ADCK1: variants seen among roughly 807,000 people sequenced by gnomAD.
The protein encoded by ADCK1 is aarF domain containing kinase 1.
In ADCK1, 41 loss-of-function variants were observed where a neutral mutation model predicts 52.3. The observed-to-expected ratio is 0.78, with a 90% CI of 0.61 to 1.02. The LOEUF (loss-of-function observed/expected upper bound fraction) is 1.02, where lower values mean the gene tolerates loss of function less well. Among genes scored for constraint, ADCK1 ranks in the 50% least tolerant of loss-of-function variants. The pLI, the probability that ADCK1 is intolerant of heterozygous loss-of-function variation, is 0.00. For synonymous variants in ADCK1, 250 were observed against 274.6 expected (o/e 0.91, Z 0.89); for missense variants, 658 against 679.5 (o/e 0.97, Z 0.35).
At chr14:77,806,024 C>T (rs1018904602) in intron 1 of ADCK1, among the ~76,000 whole-genome samples, 11 of 106,690 alleles carry the variant, frequency 1.0e-4, no homozygotes, top group Non-Finnish European at 1.7e-4. Flanking sequence ...GTGATGAGGT[C>T]TTGTTGCTGG....
chr14:77,933,160 C>T (rs1208526972), intron 10 of ADCK1, 60 bp from the exon 11 acceptor site: 2 of 1,560,676 alleles, frequency 1.3e-6, no homozygotes, highest in Middle Eastern at 1.7e-4. Flanking sequence ...CTAAATGATA[C>T]AGAGCTAGTG....
intron 3 of ADCK1, among the ~76,000 whole-genome samples, chr14:77,840,746 G>A: frequency 6.6e-6 from 1 of 151,784 alleles, no homozygotes; most frequent in East Asian, 1.9e-4. Context: ...TACTTGGGAG[G>A]CTGAAGCACG....
At chr14:77,800,450 C>G (rs2081084621) in intron 1 of ADCK1, among the ~76,000 whole-genome samples, 1 of 152,270 alleles carries the variant, frequency 6.6e-6, no homozygotes, top group Non-Finnish European at 1.5e-5. Context: ...GTGACCTGTC[C>G]ACTTCAGTGG....
chr14:77,882,386 G>T (rs1305871271), intron 4 of ADCK1, among the ~76,000 whole-genome samples: 1 of 152,228 alleles, frequency 6.6e-6, no homozygotes, highest in Non-Finnish European at 1.5e-5. Flanking sequence ...CTAGGCCTGG[G>T]CTTGCCTGCT....
At chr14:77,851,027 A>G (rs573052405) in intron 3 of ADCK1, among the ~76,000 whole-genome samples, 1 of 152,084 alleles carries the variant, frequency 6.6e-6, no homozygotes, top group East Asian at 1.9e-4. Context: ...ACTTTTAATG[A>G]AGACAGCTAT....
chr14:77,864,367 T>G (rs948910491), intron 4 of ADCK1, among the ~76,000 whole-genome samples: 41 of 152,180 alleles, frequency 2.7e-4, no homozygotes, highest in African/African-American at 9.4e-4. Context: ...ATCCAACTTG[T>G]TGGTGGTAGA....
chr14:77,861,523 A>G (rs2082548256), intron 4 of ADCK1, among the ~76,000 whole-genome samples: 1 of 151,724 alleles, frequency 6.6e-6, no homozygotes, highest in African/African-American at 2.4e-5. Flanking sequence ...AGTGGGCCCC[A>G]CTCATCCTCA....
chr14:77,889,451 C>A (rs1422834809), intron 5 of ADCK1, among the ~76,000 whole-genome samples: 1 of 152,156 alleles, frequency 6.6e-6, no homozygotes, highest in Non-Finnish European at 1.5e-5. Flanking sequence ...AGAAGGGGGA[C>A]AACTATTTAT....
intron 3 of ADCK1, among the ~76,000 whole-genome samples, chr14:77,834,257 C>A (rs541540244): frequency 6.0e-4 from 91 of 152,230 alleles, no homozygotes; most frequent in African/African-American, 1.8e-3. Context: ...TTCTCTCTCT[C>A]TCTGTCTATC....
chr14:77,854,938 G>T (rs1425294626), intron 3 of ADCK1, among the ~76,000 whole-genome samples: 2 of 152,174 alleles, frequency 1.3e-5, no homozygotes, highest in African/African-American at 4.8e-5. Flanking sequence ...TTGAACTCTG[G>T]ACTACTATTC....
intron 3 of ADCK1, among the ~76,000 whole-genome samples, chr14:77,852,903 ATATATTTTTT>A (rs1246809100): frequency 3.4e-5 from 1 of 29,440 alleles, no homozygotes; most frequent in African/African-American, 1.9e-4. Context: ...ATATATATAT[ATATATTTTTT>A]TTTTTTTTTT....
intron 4 of ADCK1, among the ~76,000 whole-genome samples, chr14:77,873,946 A>C (rs1224972246): frequency 6.6e-6 from 1 of 152,244 alleles, no homozygotes. Context: ...GAGTTACAGG[A>C]TCATGGCATT....
At chr14:77,922,223 C>T (rs1047355752) in intron 7 of ADCK1, among the ~76,000 whole-genome samples, 1 of 152,162 alleles carries the variant, frequency 6.6e-6, no homozygotes, top group East Asian at 1.9e-4. Flanking sequence ...GCTGGGGGCC[C>T]CCTCTCCAGG....
intron 3 of ADCK1, among the ~76,000 whole-genome samples, chr14:77,833,647 GAGGATTCTGT>G (rs1341086230): frequency 3.3e-5 from 5 of 152,184 alleles, no homozygotes; most frequent in African/African-American, 1.2e-4. Context: ...TCTGATTCTG[GAGGATTCTGT>G]AGGAGTAGGT....
At chr14:77,870,701 G>A (rs1054641677) in intron 4 of ADCK1, among the ~76,000 whole-genome samples, 4 of 152,226 alleles carry the variant, frequency 2.6e-5, no homozygotes, top group Admixed American at 2.0e-4. Flanking sequence ...AGTGAGTCAG[G>A]AGGCCATAGC....
intron 9 of ADCK1, among the ~76,000 whole-genome samples, chr14:77,930,172 G>C (rs1401908849): frequency 2.0e-5 from 3 of 152,160 alleles, no homozygotes; most frequent in Non-Finnish European, 2.9e-5. Flanking sequence ...GGGACTTGTA[G>C]CTGTGGCCAT....
chr14:77,827,288 G>A (rs1359848706), intron 3 of ADCK1, among the ~76,000 whole-genome samples: 12 of 148,984 alleles, frequency 8.1e-5, no homozygotes, highest in African/African-American at 3.0e-4. Flanking sequence ...GGAGGTGGAG[G>A]TTGCAGTGAG....
chr14:77,841,830 T>C (rs1222373841), intron 3 of ADCK1, among the ~76,000 whole-genome samples: 2 of 118,866 alleles, frequency 1.7e-5, no homozygotes, highest in Non-Finnish European at 3.3e-5. Context: ...AGTGACAGAG[T>C]GACAGAGTGA....
At chr14:77,852,689 A>AT (rs1415674858) in intron 3 of ADCK1, among the ~76,000 whole-genome samples, 9 of 97,572 alleles carry the variant, frequency 9.2e-5, no homozygotes, top group Non-Finnish European at 1.8e-4. Context: ...ATATATATAT[A>AT]TATATATATA....
Sources: gnomAD v4.1 joint callset for allele counts (sites outside exome capture counted in the v4.1 genomes callset) on GRCh38, gnomAD v4.1.1 for gene constraint, MANE v1.5 for transcripts, NCBI Gene and HGNC (gene_info 2026-07-23, HGNC 2026-07-21) for gene names.